WNK1: variants seen among roughly 807,000 people sequenced by gnomAD.
WNK1 encodes the protein WNK lysine deficient protein kinase 1, also known as serine/threonine-protein kinase WNK1.
In WNK1, 38 loss-of-function variants were observed where a neutral mutation model predicts 222.8. The observed-to-expected ratio is 0.17, with a 90% CI of 0.13 to 0.22. The LOEUF (loss-of-function observed/expected upper bound fraction) is 0.22. Among genes scored for constraint, WNK1 ranks in the 10% least tolerant of loss-of-function variants. The pLI, the probability that WNK1 is intolerant of heterozygous loss-of-function variation, is 1.00. For missense variants in WNK1, 2,348 were observed against 2,918.4 expected (o/e 0.80, Z 4.50); for synonymous variants, 1,090 against 1,092.9 (o/e 1.00, Z 0.05).
chr12:817,400 A>T (rs1947445871), intron 2 of WNK1, among the ~76,000 whole-genome samples: 1 of 152,156 alleles, frequency 6.6e-6, no homozygotes, highest in Non-Finnish European at 1.5e-5. Context: ...AAGAATTCTG[A>T]TTGAGAATGT....
chr12:894,423 G>A lies in WNK1; in HGVS notation c.5510-139G>A, dbSNP rs559895146. On this transcript the variant is annotated intron_variant, in intron 22 of 27. Transcript: ENST00000315939. ...CCCTGTTGGACAGAGCCTCATGGAG[G>A]GAGGAGATAAGGAAGTTCTCTTTGC... The A allele has an allele frequency of 2.4e-4, 174 of 725,316 alleles. 1 individual carries two copies. The African/African-American group carries it at 2.6e-3, about 11-fold the overall frequency. 44.9% of individuals were successfully genotyped at this position (725,316 alleles called of 1,614,324 possible). A position where few individuals can be genotyped will look rare whatever the true frequency, so the allele number is the denominator to read the frequency against.
At chr12:893,847 T>TAATAATAATAATAATAATAATAATAATAA (rs1555156464) in intron 22 of WNK1, among the ~76,000 whole-genome samples, 8 of 149,966 alleles carry the variant, frequency 5.3e-5, no homozygotes, top group South Asian at 2.1e-4. Flanking sequence ...ATAATAATAA[T>TAATAATAATAATAATAATAATAATAATAA]TCTGAGAACT....
Position 908,861 on chromosome 12 carries a change from G to GGGCC in WNK1, c.*69_*70insGGCC. ...ATGCTGAGGGGGTGGGTGGGGGTGG[G>GGGCC]AAGTAGCCTATATACTAACTACTAG... On this transcript the variant is annotated 3_prime_UTR_variant, in exon 28 of 28. Transcript: ENST00000315939. 1 of 491,846 alleles carries GGGCC rather than the reference G, an allele frequency of 2.0e-6. No individual in the cohort carries two copies. 30.5% of individuals were successfully genotyped at this position (491,846 alleles called of 1,614,324 possible).
At chr12:804,375 A>G (rs1317285342) in intron 1 of WNK1, among the ~76,000 whole-genome samples, 7 of 152,000 alleles carry the variant, frequency 4.6e-5, no homozygotes, top group South Asian at 2.1e-4. Context: ...TGCAATTACT[A>G]TCATCCATAT....
intron 1 of WNK1, among the ~76,000 whole-genome samples, chr12:768,487 A>G (rs577045127): frequency 2.0e-5 from 3 of 152,116 alleles, no homozygotes; most frequent in Non-Finnish European, 4.4e-5. Context: ...TTTCATGGAC[A>G]TAAGTGGGGA....
intron 1 of WNK1, among the ~76,000 whole-genome samples, chr12:783,055 C>T (rs1943888939): frequency 6.6e-6 from 1 of 151,792 alleles, no homozygotes. Context: ...AAGCACGTGC[C>T]ACCACACCCT....
At chr12:823,395 G>C (rs1231065355) in intron 2 of WNK1, among the ~76,000 whole-genome samples, 1 of 151,902 alleles carries the variant, frequency 6.6e-6, no homozygotes, top group East Asian at 1.9e-4. Flanking sequence ...TCTTTATCTA[G>C]GACTCCCATT....
intron 1 of WNK1, among the ~76,000 whole-genome samples, chr12:792,400 C>T (rs930547675): frequency 6.9e-6 from 1 of 145,614 alleles, no homozygotes; most frequent in South Asian, 2.1e-4. Context: ...GCAGCCTCCG[C>T]TTCCCAGCCT....
intron 1 of WNK1, among the ~76,000 whole-genome samples, chr12:808,841 G>A (rs1368415657): frequency 6.8e-6 from 1 of 146,934 alleles, no homozygotes; most frequent in African/African-American, 2.5e-5. Context: ...TCGACTCACT[G>A]CAATCTCCGC....
chr12:835,236 G>A (rs1182156642), intron 4 of WNK1, among the ~76,000 whole-genome samples: 5 of 152,208 alleles, frequency 3.3e-5, no homozygotes, highest in Admixed American at 6.5e-5. Flanking sequence ...CCACTGGGAG[G>A]CTGAGGTAGA....
intron 5 of WNK1, among the ~76,000 whole-genome samples, chr12:857,945 A>G (rs1237057241): frequency 1.3e-5 from 2 of 152,234 alleles, no homozygotes; most frequent in Non-Finnish European, 2.9e-5. Flanking sequence ...TACAAATTGC[A>G]AATTGAGCAT....
Position 860,382 on chromosome 12 carries a change from G to C in WNK1, c.1621-631G>C, listed in dbSNP as rs1238352250. On this transcript the variant is annotated intron_variant, in intron 6 of 27. Coordinates refer to ENST00000315939, the MANE Select transcript of WNK1 (RefSeq NM_018979.4). ...GAAACCCTTCCCCAAATTTATGCTT[G>C]CCATAGTGCCCAAAATAGCTGATTA... 5.3e-5 allele frequency among the ~76,000 whole-genome samples: 8 copies of C among 152,284 alleles called. No homozygotes were observed. The East Asian group carries it at 1.5e-3, about 29-fold the overall frequency.
intron 16 of WNK1, 73 bp downstream of exon 16, chr12:883,641 AATGTCCAGTG>A (rs964959886): frequency 6.2e-7 from 1 of 1,607,390 alleles, no homozygotes; most frequent in African/African-American, 1.3e-5. Context: ...TGCTATGCAA[AATGTCCAGTG>A]ATATCACCTG....
At position 879,628 on chromosome 12, in the gene WNK1, C is replaced by A. The variant is rs770002621; in HGVS notation, c.2429C>A (p.Ala810Glu). The A allele has an allele frequency of 8.7e-6, 14 of 1,612,396 alleles. No individual in the cohort carries two copies. Among genetic ancestry groups the A allele is most frequent in the African/African-American group, 1.3e-5 (1 of 74,416 alleles). The change falls in exon 11 of 28, where the codon GCG (alanine) becomes GAG (glutamate). Residue 810 changes from alanine (A) to glutamate (E), a missense_variant. Ala to Glu is a moderately radical substitution (Grantham distance 107). This residue lies in a region of WNK1 where 547 missense variants were observed against 558.3 expected (regional missense o/e 0.98). Transcript: ENST00000315939. ...TIQGEPQIPV[A>E]TQPSVVPVHS... ...CAAGGCGAACCTCAGATCCCAGTTG[C>A]GACACAACCCTCGGTTGTTCCAGTC...
Position 908,023 on chromosome 12 carries a change from A to G in WNK1, c.6820A>G (p.Met2274Val), listed in dbSNP as rs780823198. The change falls in exon 27 of 28, where the codon ATG becomes GTG. Residue 2274 changes from methionine (M) to valine (V), a missense_variant. This residue lies in a region of WNK1 where 55 missense variants were observed against 104.1 expected (regional missense o/e 0.53). Transcript: ENST00000315939. ...LSGRRGSKGH[M>V]NYEGPGMARK... ...AGGCAGGAGAGGAAGCAAAGGGCACATGAATTACGAGGTAAGTCTCTCTTT... is the reference window on the plus strand; with the variant it reads ...AGGCAGGAGAGGAAGCAAAGGGCACGTGAATTACGAGGTAAGTCTCTCTTT... 5.6e-6 allele frequency: 9 copies of G among 1,614,026 alleles called. No individual in the cohort carries two copies. The African/African-American group carries it at 6.7e-5, about 12-fold the overall frequency.
intron 12 of WNK1, 83 bp downstream of exon 12, chr12:881,082 C>T: frequency 6.4e-7 from 1 of 1,564,850 alleles, no homozygotes; most frequent in South Asian, 1.1e-5. Flanking sequence ...AAACAGGCTC[C>T]CCTGGTTTAG....
rs2154026079 is a variant in WNK1, at chr12:827,409, A to G, written c.1153+147A>G. 1.4e-6 allele frequency: 1 copy of G among 697,928 alleles called. No homozygotes were observed. 43.2% of individuals were successfully genotyped at this position (697,928 alleles called of 1,614,324 possible). A position where few individuals can be genotyped will look rare whatever the true frequency, so the allele number is the denominator to read the frequency against. ...AGGTGATCCATTGTACTTATGAGAT[A>G]TAGGATTCTCTATATTTGTGCTTCT... On this transcript the variant is annotated intron_variant, in intron 3 of 27. Coordinates refer to ENST00000315939, the MANE Select transcript of WNK1 (RefSeq NM_018979.4). This position sits in a 1 kb window ranked among gnomAD's most constrained non-coding sequence, Gnocchi z 4.6.
intron 2 of WNK1, among the ~76,000 whole-genome samples, chr12:823,638 A>C (rs892813884): frequency 5.3e-5 from 8 of 152,128 alleles, no homozygotes; most frequent in Admixed American, 4.6e-4. Flanking sequence ...TCTCTACTTC[A>C]ATAGAATATT....
rs11571499 is a variant in WNK1, at chr12:911,057, A to ACAT, written c.*2267_*2269dup. ...TTATTTGGGTTTAATAATAATTTTG[A>ACAT]CATCTTTTCACTCATACACAAAAAA... On this transcript the variant is annotated 3_prime_UTR_variant, in exon 28 of 28. Coordinates refer to ENST00000315939, the MANE Select transcript of WNK1 (RefSeq NM_018979.4). 166 of 370,904 alleles carry ACAT rather than the reference A, an allele frequency of 4.5e-4. No individual in the cohort carries two copies. Among genetic ancestry groups the ACAT allele is most frequent in the African/African-American group, 2.6e-3 (126 of 48,246 alleles). The allele number at this position is 370,904 out of a possible 1,614,324, so 23.0% of individuals were successfully genotyped here.
Sources: allele counts gnomAD v4.1 joint callset (sites outside exome capture counted in the v4.1 genomes callset), GRCh38; gene constraint gnomAD v4.1.1; regional missense constraint gnomAD v4.1.1; non-coding constraint Gnocchi (gnomAD v3.1); transcripts MANE v1.5; gene names NCBI Gene and HGNC (gene_info 2026-07-23, HGNC 2026-07-21).